RBMS3: variants seen among roughly 807,000 people sequenced by gnomAD.
RBMS3 encodes the protein RNA-binding motif, single-stranded-interacting protein 3.
A neutral mutation model predicts 66.8 loss-of-function variants in RBMS3; 27 were observed. The observed-to-expected ratio is 0.40, with a 90% CI of 0.30 to 0.56. RBMS3 has a LOEUF of 0.56. RBMS3 is among the 20% of genes least tolerant of loss of function. RBMS3 has a pLI of 0.40. For synonymous variants in RBMS3, 188 were observed against 183.0 expected (o/e 1.03, Z -0.22); for missense variants, 513 against 549.5 (o/e 0.93, Z 0.66).
rs1056575101 is a variant in RBMS3 at position 30,003,982 on chromosome 3, G to GC, written c.*120_*121insC. The GC allele has an allele frequency of 1.4e-6, 1 of 730,046 alleles. No individual in the cohort carries two copies. The highest frequency in any genetic ancestry group is 1.9e-6 in the Non-Finnish European group (1 of 517,542). 45.2% of individuals were successfully genotyped at this position (730,046 alleles called of 1,614,324 possible). On this transcript the variant is annotated 3_prime_UTR_variant, in exon 15 of 15. Coordinates refer to ENST00000383767, the MANE Select transcript of RBMS3 (RefSeq NM_001003793.3). ...AATGCATTTTTTTGTTGTTGTTGTT[G>GC]TTTTTTTTTTAGTGTTATACCTTAC...
intron 4 of RBMS3, among the ~76,000 whole-genome samples, chr3:29,598,900 G>A (rs559877867): frequency 6.1e-4 from 93 of 151,990 alleles, no homozygotes; most frequent in Non-Finnish European, 1.1e-3. Context: ...ATTCAGTAGG[G>A]CAAAATGAAG....
At chr3:29,958,796 G>C (rs1197550671) in intron 12 of RBMS3, among the ~76,000 whole-genome samples, 1 of 152,182 alleles carries the variant, frequency 6.6e-6, no homozygotes, top group East Asian at 1.9e-4. Context: ...AATGCTGTTA[G>C]TGGGCTAAAG....
chr3:29,731,666 T>G lies in RBMS3; in HGVS notation c.400-8054T>G, dbSNP rs947805667. 2.0e-5 allele frequency among the ~76,000 whole-genome samples: 3 copies of G among 152,186 alleles called. No homozygotes were observed. The South Asian group carries it at 6.2e-4, about 31-fold the overall frequency. On this transcript the variant is annotated intron_variant, in intron 4 of 14. Transcript: ENST00000383767. ...TGCCTAGTCAGAGGCACTGGCTTTGTGTCCAGGGAATGCAGAAGTCCTAGT... is the reference window on the plus strand; with the variant it reads ...TGCCTAGTCAGAGGCACTGGCTTTGGGTCCAGGGAATGCAGAAGTCCTAGT...
chr3:29,321,481 G>T (rs1559485956), intron 1 of RBMS3, among the ~76,000 whole-genome samples: 1 of 152,050 alleles, frequency 6.6e-6, no homozygotes, highest in Non-Finnish European at 1.5e-5. Flanking sequence ...TAATTTTCCT[G>T]AGTTGTTTCT....
chr3:29,358,997 G>A (rs1261078714), intron 1 of RBMS3, among the ~76,000 whole-genome samples: 2 of 152,152 alleles, frequency 1.3e-5, no homozygotes, highest in Non-Finnish European at 2.9e-5. Flanking sequence ...TGCAAAGAGG[G>A]ACAATTTGAC....
chr3:29,610,529 A>G (rs984998410), intron 4 of RBMS3, among the ~76,000 whole-genome samples: 4 of 151,994 alleles, frequency 2.6e-5, no homozygotes, highest in Admixed American at 2.6e-4. Context: ...GATCCTTTCT[A>G]GCTTCTTGTA....
At chr3:29,717,825 C>G (rs1188620012) in intron 4 of RBMS3, among the ~76,000 whole-genome samples, 1 of 152,014 alleles carries the variant, frequency 6.6e-6, no homozygotes, top group Non-Finnish European at 1.5e-5. Context: ...GATAATAACC[C>G]GTTTAGATCT....
intron 6 of RBMS3, among the ~76,000 whole-genome samples, chr3:29,825,189 C>A (rs1483767014): frequency 6.6e-6 from 1 of 151,978 alleles, no homozygotes; most frequent in East Asian, 1.9e-4. Flanking sequence ...GCACCCACCA[C>A]CACACCTGGC....
chr3:29,564,485 T>TA (rs201649263), intron 3 of RBMS3, among the ~76,000 whole-genome samples: 1,965 of 130,666 alleles, frequency 0.015, 23 homozygotes, highest in African/African-American at 0.038. Flanking sequence ...AAAAGTTCAT[T>TA]AAAAAAAAAA....
intron 1 of RBMS3, 33 bp from the exon 2 acceptor site, chr3:29,434,710 T>C: frequency 6.3e-7 from 1 of 1,595,672 alleles, no homozygotes. Flanking sequence ...TGCTGGCTTT[T>C]GTTTTTCCAG....
intron 4 of RBMS3, among the ~76,000 whole-genome samples, chr3:29,691,685 C>T (rs978892184): frequency 6.6e-6 from 1 of 152,122 alleles, no homozygotes; most frequent in Non-Finnish European, 1.5e-5. Context: ...GTAAGATGTA[C>T]AAGCACCAGG....
chr3:29,448,929 T>C (rs5028435), intron 2 of RBMS3, among the ~76,000 whole-genome samples: 104,669 of 152,040 alleles, frequency 0.69, 36,109 homozygotes, highest in East Asian at 0.75. Flanking sequence ...ACCCAGACAT[T>C]ACAGCTTACT....
At chr3:29,441,754 G>A (rs1002678369) in intron 2 of RBMS3, among the ~76,000 whole-genome samples, 2 of 152,106 alleles carry the variant, frequency 1.3e-5, no homozygotes, top group Non-Finnish European at 2.9e-5. Flanking sequence ...ATTTTTTAAA[G>A]CCTGCTCAGA....
chr3:29,896,433 T>C (rs533198875), intron 8 of RBMS3, among the ~76,000 whole-genome samples: 2 of 151,588 alleles, frequency 1.3e-5, no homozygotes, highest in South Asian at 4.2e-4. Context: ...AATTATACCA[T>C]TATTTCTCAC....
At chr3:29,803,147 G>A (rs1258489848) in intron 6 of RBMS3, among the ~76,000 whole-genome samples, 1 of 152,094 alleles carries the variant, frequency 6.6e-6, no homozygotes, top group Non-Finnish European at 1.5e-5. Flanking sequence ...AAATGACATA[G>A]CCAAGATCTT....
At chr3:29,877,741 G>A (rs191561632) in intron 7 of RBMS3, among the ~76,000 whole-genome samples, 2 of 152,206 alleles carry the variant, frequency 1.3e-5, no homozygotes, top group Admixed American at 6.5e-5. Flanking sequence ...TGACTGTGCC[G>A]GAGTTGTTCC....
At chr3:29,331,577 C>T (rs1329241372) in intron 1 of RBMS3, among the ~76,000 whole-genome samples, 1 of 152,058 alleles carries the variant, frequency 6.6e-6, no homozygotes, top group Non-Finnish European at 1.5e-5. Context: ...ACCTTGCTTC[C>T]AGGAAACCAG....
chr3:29,971,293 A>G (rs1295992963), intron 12 of RBMS3, among the ~76,000 whole-genome samples: 3 of 152,112 alleles, frequency 2.0e-5, no homozygotes, highest in Non-Finnish European at 4.4e-5. Context: ...CCACAGCCCC[A>G]TGTTGTCAAG....
intron 10 of RBMS3, among the ~76,000 whole-genome samples, chr3:29,910,621 G>A (rs74881102): frequency 6.6e-6 from 1 of 151,874 alleles, no homozygotes; most frequent in African/African-American, 2.4e-5. Context: ...TTTCTACCTA[G>A]GTGCTATGTC....
Sources: allele counts gnomAD v4.1 joint callset (sites outside exome capture counted in the v4.1 genomes callset), GRCh38; gene constraint gnomAD v4.1.1; transcripts MANE v1.5; gene names NCBI Gene and HGNC (gene_info 2026-07-23, HGNC 2026-07-21).